LMBR1: variants seen among roughly 807,000 people sequenced by gnomAD.
The protein encoded by LMBR1 is limb region 1 protein homolog.
A neutral mutation model predicts 73.9 loss-of-function variants in LMBR1; 52 were observed. The observed-to-expected ratio is 0.70, with a 90% CI of 0.56 to 0.89. LMBR1 has a LOEUF of 0.89. LMBR1 is among the 40% of genes least tolerant of loss of function. LMBR1 has a pLI of 0.00. For synonymous variants in LMBR1, 215 were observed against 209.4 expected (o/e 1.03, Z -0.23); for missense variants, 539 against 579.8 (o/e 0.93, Z 0.72).
rs114752745 is a variant in LMBR1, at chr7:156,728,183, T to G, written c.916-176A>C. On this transcript the variant is annotated intron_variant, in intron 11 of 16. Coordinates refer to ENST00000353442, the MANE Select transcript of LMBR1 (RefSeq NM_022458.4). ...CAAGAACTGAAGAAATTCTAAAAGATTCTGCAAGTTATTGTCATTTCAAAG... is the reference window on the plus strand; with the variant it reads ...CAAGAACTGAAGAAATTCTAAAAGAGTCTGCAAGTTATTGTCATTTCAAAG... 4.0e-3 allele frequency among the ~76,000 whole-genome samples: 612 copies of G among 152,322 alleles called. 3 individuals carry two copies. The highest frequency in any genetic ancestry group is 0.014 in the African/African-American group (574 of 41,570).
At chr7:156,726,582 CA>C (rs1282390253) in intron 12 of LMBR1, among the ~76,000 whole-genome samples, 1 of 152,122 alleles carries the variant, frequency 6.6e-6, no homozygotes, top group Non-Finnish European at 1.5e-5. Context: ...CTAGTCAGCA[CA>C]GATTACATCT....
chr7:156,777,195 A>AT (rs1429985914), intron 5 of LMBR1, among the ~76,000 whole-genome samples: 2 of 152,210 alleles, frequency 1.3e-5, no homozygotes, highest in Non-Finnish European at 2.9e-5. Flanking sequence ...TCAGCCTCCC[A>AT]AAGTGCTGGG....
chr7:156,718,529 G>A (rs1289163579), intron 15 of LMBR1, among the ~76,000 whole-genome samples: 1 of 152,098 alleles, frequency 6.6e-6, no homozygotes, highest in Admixed American at 6.6e-5. Context: ...TTTGAGGCAA[G>A]CCTTGGCAAC....
At chr7:156,800,441 G>C (rs1004507180) in intron 4 of LMBR1, among the ~76,000 whole-genome samples, 1 of 125,346 alleles carries the variant, frequency 8.0e-6, no homozygotes, top group South Asian at 2.5e-4. Flanking sequence ...TTACAGCATG[G>C]TTTACTAAAT....
chr7:156,713,966 G>A lies in LMBR1; in HGVS notation c.1225+10146C>T, dbSNP rs118003641. Among the ~76,000 whole-genome samples, 635 of 152,216 alleles carry A rather than the reference G, an allele frequency of 4.2e-3. 4 individuals are homozygous for A. The highest frequency in any genetic ancestry group is 6.8e-3 in the Middle Eastern group (2 of 294). ...CCCTACCATATTCCTACATTGTACT[G>A]TGCATGTACTACAGAAGCTACAAAG... On this transcript the variant is annotated intron_variant, in intron 15 of 16. Coordinates refer to ENST00000353442, the MANE Select transcript of LMBR1 (RefSeq NM_022458.4).
In LMBR1 at chr7:156,670,473, C is replaced by A. The variant is rs1802243185; in HGVS notation, n.867-1186G>T. Among the ~76,000 whole-genome samples, 1 of 152,196 alleles carries A rather than the reference C, an allele frequency of 6.6e-6. No homozygotes were observed. Among genetic ancestry groups the A allele is most frequent in the Non-Finnish European group, 1.5e-5 (1 of 68,044 alleles). Reference sequence around the variant, plus strand: ...AGAACACGTGGGACAGAGGCAACAGCTTGAAGCAACAAAGGCTAAGAATTT... The same window carrying A: ...AGAACACGTGGGACAGAGGCAACAGATTGAAGCAACAAAGGCTAAGAATTT... On this transcript the variant is annotated intron_variant and non_coding_transcript_variant, in intron 4 of 4. Transcript: ENST00000430825. The surrounding 1 kb of genome is among the most constrained non-coding windows in gnomAD (Gnocchi z 4.3).
At chr7:156,807,833 A>C (rs1303543692) in intron 4 of LMBR1, among the ~76,000 whole-genome samples, 1 of 152,166 alleles carries the variant, frequency 6.6e-6, no homozygotes, top group Admixed American at 6.5e-5. Context: ...ATTCAGTTCA[A>C]AGCACTTTCA....
At chr7:156,842,314 T>C (rs1563508956) in intron 1 of LMBR1, among the ~76,000 whole-genome samples, 1 of 149,696 alleles carries the variant, frequency 6.7e-6, no homozygotes, top group Admixed American at 6.7e-5. Context: ...CTTTTAAGCA[T>C]TTTGTGGGGC....
At chr7:156,759,143 T>C (rs1314494539) in intron 8 of LMBR1, among the ~76,000 whole-genome samples, 2 of 152,190 alleles carry the variant, frequency 1.3e-5, no homozygotes, top group Non-Finnish European at 2.9e-5. Flanking sequence ...AAATAAAACA[T>C]TACAAAAGTT....
chr7:156,776,560 C>T (rs138866889), intron 5 of LMBR1, among the ~76,000 whole-genome samples: 413 of 152,236 alleles, frequency 2.7e-3, no homozygotes, highest in African/African-American at 9.4e-3. Context: ...TCCACAATTT[C>T]CTGTCTTTTC....
chr7:156,797,545 C>G (rs920335993), intron 4 of LMBR1, among the ~76,000 whole-genome samples: 2 of 152,244 alleles, frequency 1.3e-5, no homozygotes, highest in African/African-American at 4.8e-5. Context: ...CCCCTCTGCT[C>G]TCAGAGCTGC....
chr7:156,723,379 C>T (rs191371806), intron 15 of LMBR1, among the ~76,000 whole-genome samples: 3 of 152,186 alleles, frequency 2.0e-5, no homozygotes, highest in Admixed American at 1.3e-4. Flanking sequence ...CATTCGTGTG[C>T]ACTCTTAAGT....
chr7:156,724,680 G>A (rs75095441), intron 14 of LMBR1, among the ~76,000 whole-genome samples: 4,009 of 151,924 alleles, frequency 0.026, 180 homozygotes, highest in African/African-American at 0.092. Context: ...GTAAATAAGA[G>A]GAGTTGAAAA....
intron 10 of LMBR1, among the ~76,000 whole-genome samples, chr7:156,731,596 A>T (rs2132464976): frequency 6.6e-6 from 1 of 152,354 alleles, no homozygotes; most frequent in Admixed American, 6.5e-5. Context: ...ATAGCTACCA[A>T]ACAAAAATTT....
At chr7:156,721,205 A>G (rs1814490283) in intron 15 of LMBR1, among the ~76,000 whole-genome samples, 1 of 152,138 alleles carries the variant, frequency 6.6e-6, no homozygotes, top group South Asian at 2.1e-4. Context: ...AAGATGAAAA[A>G]TAACTGTAAA....
intron 4 of LMBR1, among the ~76,000 whole-genome samples, chr7:156,810,888 A>G (rs114860507): frequency 0.016 from 2,349 of 149,962 alleles, 50 homozygotes; most frequent in African/African-American, 0.054. Context: ...GGCTCACTAC[A>G]ACCTCCACCT....
chr7:156,702,244 G>C (rs111255173), intron 15 of LMBR1, among the ~76,000 whole-genome samples: 3,999 of 152,272 alleles, frequency 0.026, 176 homozygotes, highest in African/African-American at 0.092. Context: ...CCCAACAACA[G>C]TGTAAAAGTG....
chr7:156,673,558 A>T (rs1803080780), downstream of LMBR1, among the ~76,000 whole-genome samples: 2 of 152,184 alleles, frequency 1.3e-5, no homozygotes, highest in African/African-American at 4.8e-5. Context: ...CATAAATAGA[A>T]AAGCAGCTTC....
intron 2 of LMBR1, chr7:156,834,635 A>T (rs1415065901): frequency 4.8e-6 from 1 of 207,398 alleles, no homozygotes; most frequent in Non-Finnish European, 9.3e-6. Context: ...ATTTAGAAAT[A>T]AAAATTATAT....
Sources: gnomAD v4.1 joint callset for allele counts (sites outside exome capture counted in the v4.1 genomes callset) on GRCh38, gnomAD v4.1.1 for gene constraint, Gnocchi (gnomAD v3.1) non-coding constraint, MANE v1.5 for transcripts, NCBI Gene and HGNC (gene_info 2026-07-23, HGNC 2026-07-21) for gene names.